Variants in TENM4 observed in about 807,000 individuals in gnomAD.
TENM4 encodes the protein teneurin-4.
A neutral mutation model predicts 243.3 loss-of-function variants in TENM4; 82 were observed. The observed-to-expected ratio is 0.34, with a 90% confidence interval of 0.28 to 0.40. TENM4 has a LOEUF of 0.40. Ranked by LOEUF, TENM4 falls within the 10% of genes least tolerant of loss-of-function variation. The pLI is 1.00. For missense variants in TENM4, 3,138 were observed against 3,673.3 expected (o/e 0.85, Z 3.77); for synonymous variants, 1,412 against 1,456.3 (o/e 0.97, Z 0.69).
At chr11:78,891,992 T>G (rs1855678749) in intron 7 of TENM4, among the ~76,000 whole-genome samples, 1 of 152,040 alleles carries the variant, frequency 6.6e-6, no homozygotes, top group African/African-American at 2.4e-5. Context: ...GGCCTGAGGA[T>G]CTGTATTTCT....
chr11:78,837,729 A>G (rs1237903841), intron 12 of TENM4, among the ~76,000 whole-genome samples: 1 of 152,244 alleles, frequency 6.6e-6, no homozygotes, highest in African/African-American at 2.4e-5. Flanking sequence ...TATTGTAAAC[A>G]TAACTTCTGT....
Position 78,756,892 on chromosome 11 carries a change from T to C in TENM4, c.2669A>G (p.Asn890Ser). 1.2e-6 allele frequency: 2 copies of C among 1,613,798 alleles called. No homozygotes were observed. Among genetic ancestry groups the C allele is most frequent in the South Asian group, 1.1e-5 (1 of 91,056 alleles). ...GATGCGGTCATAGAAGGAGTGTAGG[T>C]TCTGCTGTGACACAGGGACCTGTGT... ...QETQVPVSQQNLHSFYDRIKF... is the reference protein window; with the variant it reads ...QETQVPVSQQSLHSFYDRIKF... Residue 890 changes from asparagine to serine, a missense_variant, in exon 19 of 34, where the codon AAC becomes AGC. Around this residue, in one of 2 missense-constraint regions of TENM4, gnomAD observed 2,467 missense variants for 3,059.1 expected, o/e 0.81. Transcript: ENST00000278550.
At chr11:79,338,254 T>C (rs991275927) in intron 1 of TENM4, among the ~76,000 whole-genome samples, 3 of 152,250 alleles carry the variant, frequency 2.0e-5, no homozygotes, top group African/African-American at 7.2e-5. Context: ...TGTCCTCACC[T>C]ATAGACAACA....
intron 3 of TENM4, among the ~76,000 whole-genome samples, chr11:79,163,772 C>T (rs1302157967): frequency 8.2e-6 from 1 of 121,300 alleles, no homozygotes; most frequent in Non-Finnish European, 1.7e-5. Flanking sequence ...TATATATACA[C>T]ACACATACAT....
intron 6 of TENM4, among the ~76,000 whole-genome samples, chr11:78,970,982 C>G (rs1857532409): frequency 6.6e-6 from 1 of 151,794 alleles, no homozygotes. Flanking sequence ...CTATAATTAG[C>G]ATATATAGTT....
intron 1 of TENM4, among the ~76,000 whole-genome samples, chr11:79,384,424 T>G (rs1311881114): frequency 6.6e-6 from 1 of 152,160 alleles, no homozygotes; most frequent in Non-Finnish European, 1.5e-5. Flanking sequence ...GGACACCCAC[T>G]TCCCCATGCT....
chr11:78,890,574 GC>G (rs1466958511), intron 8 of TENM4, among the ~76,000 whole-genome samples: 1 of 152,128 alleles, frequency 6.6e-6, no homozygotes, highest in Non-Finnish European at 1.5e-5. Context: ...TTATGCCATG[GC>G]CATTAGTCCC....
chr11:79,426,594 C>G (rs986145893), intron 1 of TENM4, among the ~76,000 whole-genome samples: 1 of 152,132 alleles, frequency 6.6e-6, no homozygotes, highest in Non-Finnish European at 1.5e-5. Context: ...AAGAGTGGTC[C>G]GCTGTGAGGT....
chr11:78,709,623 G>A (rs1232192112), intron 26 of TENM4, among the ~76,000 whole-genome samples: 1 of 152,182 alleles, frequency 6.6e-6, no homozygotes, highest in African/African-American at 2.4e-5. Flanking sequence ...CACCCCCCAG[G>A]TAGCTGCTTC....
At chr11:78,729,744 G>C (rs2135870987) in intron 21 of TENM4, 101 bp from the exon 22 acceptor site, 3 of 1,444,922 alleles carry the variant, frequency 2.1e-6, no homozygotes, top group Non-Finnish European at 2.8e-6. Context: ...AGGAGGTAGA[G>C]GGAAAGGCAG....
chr11:79,146,022 A>T (rs750743555), intron 4 of TENM4, among the ~76,000 whole-genome samples: 4 of 151,940 alleles, frequency 2.6e-5, no homozygotes, highest in Admixed American at 6.6e-5. Flanking sequence ...ATATATTTGG[A>T]TATGAGACCT....
intron 3 of TENM4, among the ~76,000 whole-genome samples, chr11:79,214,856 G>A (rs1452150950): frequency 3.3e-5 from 5 of 152,248 alleles, no homozygotes; most frequent in South Asian, 2.1e-4. Flanking sequence ...CAGCCTGGTC[G>A]CTAAGTCACT....
rs1334541462 is a variant in TENM4, at chr11:79,370,803, AAAAAAAG to A, written c.-321+69699_-321+69705del. Among the ~76,000 whole-genome samples the A allele has an allele frequency of 1.9e-3, 279 of 146,386 alleles. 4 individuals are homozygous for A. Among genetic ancestry groups the A allele is most frequent in the African/African-American group, 6.5e-3 (250 of 38,172 alleles). On this transcript the variant is annotated intron_variant, in intron 1 of 33. Coordinates refer to ENST00000278550, the MANE Select transcript of TENM4 (RefSeq NM_001098816.3). Reference sequence around the variant, plus strand: ...GTAAAAAAAAAAAAAAAAAAAAAAAAAAAAAAGTGATAAATTTGGTAATCCCAGAATT... The same window carrying A: ...GTAAAAAAAAAAAAAAAAAAAAAAAATGATAAATTTGGTAATCCCAGAATT...
chr11:79,037,805 G>A (rs1369304739), intron 6 of TENM4, among the ~76,000 whole-genome samples: 1 of 152,132 alleles, frequency 6.6e-6, no homozygotes, highest in Non-Finnish European at 1.5e-5. Context: ...ACGGTCAAGG[G>A]AACTAAATAT....
intron 32 of TENM4, 98 bp from the exon 33 acceptor site, chr11:78,661,689 T>C: frequency 6.8e-6 from 10 of 1,481,470 alleles, no homozygotes; most frequent in Non-Finnish European, 9.2e-6. Flanking sequence ...CAGGGTGTGG[T>C]GAGGGTGTGG....
At chr11:78,699,827 G>A (rs1729938763) in intron 28 of TENM4, among the ~76,000 whole-genome samples, 2 of 152,202 alleles carry the variant, frequency 1.3e-5, no homozygotes, top group African/African-American at 4.8e-5. Context: ...ATCTGAGGGA[G>A]TGACTTTGGG....
intron 6 of TENM4, among the ~76,000 whole-genome samples, chr11:79,000,285 C>A (rs1858282703): frequency 6.6e-6 from 1 of 152,072 alleles, no homozygotes; most frequent in African/African-American, 2.4e-5. Context: ...TTGAGATATA[C>A]TCAAATCCAC....
At chr11:79,079,147 G>C (rs1860602891) in intron 4 of TENM4, among the ~76,000 whole-genome samples, 1 of 152,224 alleles carries the variant, frequency 6.6e-6, no homozygotes, top group Admixed American at 6.5e-5. Context: ...GGAGCGTGGT[G>C]GAGTGTGGCT....
chr11:79,311,602 A>G (rs1321358969), intron 1 of TENM4, among the ~76,000 whole-genome samples: 1 of 152,222 alleles, frequency 6.6e-6, no homozygotes, highest in African/African-American at 2.4e-5. Flanking sequence ...TCAAAGTGAA[A>G]TCAAATTTAT....
Sources: gnomAD v4.1 joint callset for allele counts (sites outside exome capture counted in the v4.1 genomes callset) on GRCh38, gnomAD v4.1.1 for gene constraint, gnomAD v4.1.1 regional missense constraint, MANE v1.5 for transcripts, NCBI Gene and HGNC (gene_info 2026-07-23, HGNC 2026-07-21) for gene names.